MACROD2: variants seen among roughly 807,000 people sequenced by gnomAD.
MACROD2 encodes the protein mono-ADP ribosylhydrolase 2, also known as ADP-ribose glycohydrolase MACROD2.
A neutral mutation model predicts 70.4 loss-of-function variants in MACROD2; 36 were observed. The ratio of observed to expected loss-of-function variants is 0.51; its 90% CI spans 0.39 to 0.68. The LOEUF (loss-of-function observed/expected upper bound fraction) is 0.68, where lower values mean the gene tolerates loss of function less well. Ranked by LOEUF, MACROD2 falls within the 30% of genes least tolerant of loss-of-function variation. The pLI is 0.00. For missense variants in MACROD2, 496 were observed against 538.4 expected (o/e 0.92, Z 0.78); for synonymous variants, 172 against 178.8 (o/e 0.96, Z 0.30).
At chr20:15,345,070 G>A (rs542164062) in intron 6 of MACROD2, among the ~76,000 whole-genome samples, 1 of 152,074 alleles carries the variant, frequency 6.6e-6, no homozygotes, top group East Asian at 1.9e-4. Context: ...CAGAGGGATG[G>A]AGAGCTTTCT....
At chr20:15,938,801 T>G (rs1417013905) in intron 12 of MACROD2, among the ~76,000 whole-genome samples, 1 of 152,182 alleles carries the variant, frequency 6.6e-6, no homozygotes, top group Non-Finnish European at 1.5e-5. Context: ...AGGCCTCTTG[T>G]GCCTAGTTGT....
chr20:14,377,426 CCTTGT>C (rs1429683788), intron 3 of MACROD2, among the ~76,000 whole-genome samples: 5 of 152,152 alleles, frequency 3.3e-5, no homozygotes, highest in African/African-American at 1.2e-4. Context: ...TTTTTCACCA[CCTTGT>C]CCTGTCACTG....
chr20:14,611,926 T>G (rs1427849506), intron 4 of MACROD2, among the ~76,000 whole-genome samples: 1 of 152,164 alleles, frequency 6.6e-6, no homozygotes, highest in Non-Finnish European at 1.5e-5. Context: ...ATTCAGGTAC[T>G]CATCTAACAT....
intron 3 of MACROD2, among the ~76,000 whole-genome samples, chr20:14,176,055 A>G (rs2081260969): frequency 6.6e-6 from 1 of 152,220 alleles, no homozygotes; most frequent in South Asian, 2.1e-4. Context: ...AAATGTTACT[A>G]ACGGTTGTTA....
intron 4 of MACROD2, among the ~76,000 whole-genome samples, chr20:14,648,385 A>G (rs1466014804): frequency 1.3e-5 from 2 of 152,182 alleles, no homozygotes; most frequent in East Asian, 3.8e-4. Flanking sequence ...CCCAGGTGAC[A>G]TTGAACGTCC....
chr20:15,652,617 C>G (rs1178960556), intron 8 of MACROD2, among the ~76,000 whole-genome samples: 2 of 152,094 alleles, frequency 1.3e-5, no homozygotes, highest in Non-Finnish European at 2.9e-5. Flanking sequence ...TTATACCTTA[C>G]TACATCATGG....
chr20:16,038,563 T>G (rs1230197726), intron 15 of MACROD2, among the ~76,000 whole-genome samples: 1 of 151,566 alleles, frequency 6.6e-6, no homozygotes, highest in African/African-American at 2.4e-5. Flanking sequence ...AATTTTCATC[T>G]GACTTTTGAA....
chr20:14,560,768 G>A (rs144242090), intron 4 of MACROD2, among the ~76,000 whole-genome samples: 8 of 151,834 alleles, frequency 5.3e-5, no homozygotes, highest in African/African-American at 1.2e-4. Flanking sequence ...AGGAAATGCC[G>A]ACACTTATTT....
chr20:15,721,496 A>G lies in MACROD2; in HGVS notation c.646-141249A>G, dbSNP rs149467609. 2.3e-3 allele frequency among the ~76,000 whole-genome samples: 351 copies of G among 152,336 alleles called. 1 individual carries two copies. The highest frequency in any genetic ancestry group is 7.6e-3 in the African/African-American group (314 of 41,584). ...GTATTTTTTAGTACAAAAAATATAT[A>G]TCATTGTAGACAACTCATAAAATAC... On this transcript the variant is annotated intron_variant, in intron 8 of 17. Coordinates refer to ENST00000684519, the MANE Select transcript of MACROD2 (RefSeq NM_001351661.2).
At chr20:14,040,002 G>T (rs1355995683) in intron 2 of MACROD2, among the ~76,000 whole-genome samples, 1 of 152,120 alleles carries the variant, frequency 6.6e-6, no homozygotes, top group East Asian at 1.9e-4. Flanking sequence ...CAATGCTTTT[G>T]TATTTCAGTG....
At chr20:15,946,722 A>G (rs547656451) in intron 12 of MACROD2, among the ~76,000 whole-genome samples, 40 of 152,150 alleles carry the variant, frequency 2.6e-4, no homozygotes, top group Non-Finnish European at 4.7e-4. Context: ...GGGATGAGAG[A>G]CTGAGAAAAC....
chr20:14,940,514 C>T (rs1408208645), intron 5 of MACROD2, among the ~76,000 whole-genome samples: 1 of 152,154 alleles, frequency 6.6e-6, no homozygotes. Flanking sequence ...TTTCCATGTT[C>T]AGTACAATGG....
intron 12 of MACROD2, among the ~76,000 whole-genome samples, chr20:15,955,584 A>G (rs1260252424): frequency 6.6e-6 from 1 of 152,196 alleles, no homozygotes; most frequent in Middle Eastern, 3.2e-3. Context: ...CTGCCCTTCA[A>G]ATAAACACGT....
At chr20:14,702,699 A>G (rs997562893) in intron 5 of MACROD2, among the ~76,000 whole-genome samples, 18 of 139,262 alleles carry the variant, frequency 1.3e-4, no homozygotes, top group African/African-American at 4.0e-4. Flanking sequence ...ATATATATGT[A>G]TATATATGTG....
rs540692256 is a variant in MACROD2, at chr20:15,084,364, G to A, written c.419-145576G>A. ...ATTACAGACGTGAGCCACCACACCC[G>A]GCCAACTAGTTTTTCTTACCATCTC... On this transcript the variant is annotated intron_variant, in intron 5 of 17. Coordinates refer to ENST00000684519, the MANE Select transcript of MACROD2 (RefSeq NM_001351661.2). Among the ~76,000 whole-genome samples the A allele has an allele frequency of 6.6e-5, 10 of 151,836 alleles. No homozygotes were observed. The East Asian group carries it at 9.7e-4, about 15-fold the overall frequency.
chr20:15,834,958 T>A (rs2064096858), intron 8 of MACROD2, among the ~76,000 whole-genome samples: 1 of 152,088 alleles, frequency 6.6e-6, no homozygotes, highest in Admixed American at 6.5e-5. Flanking sequence ...TGAGGCTAAG[T>A]TATAAAAGGC....
chr20:14,647,866 T>A, intron 4 of MACROD2, among the ~76,000 whole-genome samples: 1 of 152,250 alleles, frequency 6.6e-6, no homozygotes, highest in African/African-American at 2.4e-5. Flanking sequence ...AGTACCTTCA[T>A]GTTACTCTTC....
intron 3 of MACROD2, among the ~76,000 whole-genome samples, chr20:14,210,605 T>C (rs1444176667): frequency 6.6e-6 from 1 of 152,192 alleles, no homozygotes; most frequent in Non-Finnish European, 1.5e-5. Flanking sequence ...TGGTTTTTGG[T>C]TTTGAATTAC....
rs532781557 is a variant in MACROD2 at position 15,919,280 on chromosome 20, G to A, written c.776-13996G>A. On this transcript the variant is annotated intron_variant, in intron 10 of 17. Transcript: ENST00000684519. ...TTGTACATACTGGCAATGCATAATT[G>A]TCTGTGGCCTACTCTGCCACCAGGA... 5.3e-5 allele frequency among the ~76,000 whole-genome samples: 8 copies of A among 152,316 alleles called. No homozygotes were observed. The South Asian group carries it at 1.7e-3, about 32-fold the overall frequency.
Sources: gnomAD v4.1 joint callset for allele counts (sites outside exome capture counted in the v4.1 genomes callset) on GRCh38, gnomAD v4.1.1 for gene constraint, MANE v1.5 for transcripts, NCBI Gene and HGNC (gene_info 2026-07-23, HGNC 2026-07-21) for gene names.